Variants in NCOA3 observed in about 807,000 individuals in gnomAD.
NCOA3 encodes the protein nuclear receptor coactivator 3.
Under a neutral mutation model 158.8 loss-of-function variants are expected in NCOA3, and 51 were observed. The ratio of observed to expected loss-of-function variants is 0.32; its 90% CI spans 0.26 to 0.41. The LOEUF is 0.41. Ranked by LOEUF, NCOA3 falls within the 10% of genes least tolerant of loss-of-function variation. The pLI is 1.00. For synonymous variants in NCOA3, 537 were observed against 592.4 expected, an observed-to-expected ratio of 0.91 and a Z score of 1.36; for missense variants, 1,510 against 1,746.6, an observed-to-expected ratio of 0.86 and a Z score of 2.41.
At chr20:47,511,550 T>TATATACACAC (rs1556556371) in intron 1 of NCOA3, among the ~76,000 whole-genome samples, 1 of 52,270 alleles carries the variant, frequency 1.9e-5, no homozygotes, top group Non-Finnish European at 4.0e-5. Flanking sequence ...TATATATATA[T>TATATACACAC]ATATATTTCT....
chr20:47,544,242 GT>G lies in NCOA3; in HGVS notation c.-98-38930del, dbSNP rs79033956. Among the ~76,000 whole-genome samples, 25 of 106,376 alleles carry G rather than the reference GT, an allele frequency of 2.4e-4. No individual in the cohort carries two copies. The East Asian group carries it at 2.4e-3, about 10-fold the overall frequency. 69.8% of individuals were successfully genotyped at this position (106,376 alleles called of 152,430 possible). Reference sequence around the variant, plus strand: ...TTTTTTTGGGGTTTATTTTGTTCAAGTTTTTTTTTTTCAGTTAGGTGTAGGA... The same window carrying G: ...TTTTTTTGGGGTTTATTTTGTTCAAGTTTTTTTTTTCAGTTAGGTGTAGGA... On this transcript the variant is annotated intron_variant, in intron 1 of 22. Coordinates refer to ENST00000371998, the MANE Select transcript of NCOA3 (RefSeq NM_181659.3).
At position 47,524,056 on chromosome 20, in the gene NCOA3, C is replaced by G. The variant is rs73910875; in HGVS notation, c.-99+22037C>G. The stretch of plus-strand genomic sequence containing the variant: ...TAGATGGCTTAAAGGAATGTAGGAA[C>G]CGAATGGTCATTTTCCTGTCAGTGG... On this transcript the variant is annotated intron_variant, in intron 1 of 22. Transcript: ENST00000371998. Among the ~76,000 whole-genome samples, 1,046 of 152,318 alleles carry G rather than the reference C, an allele frequency of 6.9e-3. 14 individuals carry two copies. The highest frequency in any genetic ancestry group is 0.024 in the African/African-American group (1,014 of 41,566).
At chr20:47,505,042 G>GGTTTTT (rs2084009139) in intron 1 of NCOA3, among the ~76,000 whole-genome samples, 2 of 52,084 alleles carry the variant, frequency 3.8e-5, no homozygotes, top group African/African-American at 1.3e-4. Flanking sequence ...GGGCAGGGGC[G>GGTTTTT]TTTTTTTTTT....
At position 47,652,390 on chromosome 20, in the gene NCOA3, G is replaced by A; in HGVS notation, c.3947-16G>A. The A allele has an allele frequency of 1.9e-6, 3 of 1,578,808 alleles. No homozygotes were observed. The highest frequency in any genetic ancestry group is 2.6e-6 in the Non-Finnish European group (3 of 1,152,196). The stretch of plus-strand genomic sequence containing the variant: ...GCATTTGGGCATTTTTATTTCTTCT[G>A]TTTTATTTTTGTAAGGAATGGGACA... On this transcript the variant is annotated splice_polypyrimidine_tract_variant and intron_variant, in intron 20 of 22. Coordinates refer to ENST00000371998, the MANE Select transcript of NCOA3 (RefSeq NM_181659.3).
intron 1 of NCOA3, among the ~76,000 whole-genome samples, chr20:47,581,922 G>T (rs577790572): frequency 9.2e-5 from 14 of 152,084 alleles, no homozygotes; most frequent in Non-Finnish European, 1.8e-4. Flanking sequence ...CTTTCCTCTG[G>T]CCTTTGCTTG....
intron 1 of NCOA3, among the ~76,000 whole-genome samples, chr20:47,533,051 G>A (rs2146110470): frequency 7.2e-6 from 1 of 139,288 alleles, no homozygotes; most frequent in Non-Finnish European, 1.5e-5. Flanking sequence ...GTTGCAGTGA[G>A]CCAGGATTGT....
At chr20:47,591,834 C>G (rs548795290) in intron 2 of NCOA3, among the ~76,000 whole-genome samples, 2 of 150,254 alleles carry the variant, frequency 1.3e-5, no homozygotes, top group Non-Finnish European at 3.0e-5. Flanking sequence ...TTTCTTTTTA[C>G]GTTTGGTTTA....
At chr20:47,653,187 T>G in intron 22 of NCOA3, 115 bp downstream of exon 22, 1 of 1,306,910 alleles carries the variant, frequency 7.7e-7, no homozygotes, top group South Asian at 1.5e-5. Context: ...ATGTATAACT[T>G]AAAATATAGT....
At chr20:47,628,811 T>C (rs1430325389) in intron 8 of NCOA3, 1 of 152,194 alleles carries the variant, frequency 6.6e-6, no homozygotes, top group Non-Finnish European at 1.5e-5. Flanking sequence ...TAAGATGCAT[T>C]AATGAAATTA....
intron 1 of NCOA3, among the ~76,000 whole-genome samples, chr20:47,536,568 T>A (rs1329384021): frequency 6.6e-6 from 1 of 152,254 alleles, no homozygotes; most frequent in Non-Finnish European, 1.5e-5. Context: ...GCAAAACAAA[T>A]TGTTGTCATG....
chr20:47,583,088 C>G (rs2146221701), intron 1 of NCOA3, 95 bp from the exon 2 acceptor site: 1 of 396,678 alleles, frequency 2.5e-6, no homozygotes, highest in South Asian at 1.3e-4. Context: ...GCCACCACGC[C>G]CGGCTGGAAG....
At chr20:47,540,379 G>A (rs1369463934) in intron 1 of NCOA3, among the ~76,000 whole-genome samples, 1 of 152,018 alleles carries the variant, frequency 6.6e-6, no homozygotes, top group East Asian at 1.9e-4. Context: ...TTCGAGACCA[G>A]CCTGGCTAAC....
intron 21 of NCOA3, 113 bp from the exon 22 acceptor site, chr20:47,652,818 C>T: frequency 7.8e-7 from 1 of 1,288,390 alleles, no homozygotes; most frequent in Non-Finnish European, 1.1e-6. Context: ...TTTTCTCTAA[C>T]ATTCCCAGCT....
chr20:47,641,324 CTT>C (rs34173277), intron 16 of NCOA3, among the ~76,000 whole-genome samples: 20 of 96,560 alleles, frequency 2.1e-4, no homozygotes, highest in South Asian at 3.6e-4. Context: ...CTCAACATTT[CTT>C]TTTTTTTTTT....
intron 1 of NCOA3, among the ~76,000 whole-genome samples, chr20:47,560,089 AT>A (rs962189816): frequency 2.3e-4 from 35 of 151,162 alleles, no homozygotes; most frequent in African/African-American, 8.3e-4. Flanking sequence ...CCTGGCCTTA[AT>A]TTTTTTTTGG....
At chr20:47,524,299 A>G (rs2084390977) in intron 1 of NCOA3, among the ~76,000 whole-genome samples, 1 of 152,228 alleles carries the variant, frequency 6.6e-6, no homozygotes, top group African/African-American at 2.4e-5. Flanking sequence ...TGAACTGTAA[A>G]GACTCCTGCA....
intron 12 of NCOA3, among the ~76,000 whole-genome samples, 153 bp downstream of exon 12, chr20:47,636,915 A>G (rs975651165): frequency 1.3e-5 from 2 of 152,240 alleles, no homozygotes; most frequent in Non-Finnish European, 2.9e-5. Flanking sequence ...CAGTAAAATT[A>G]TGATGTAATT....
At chr20:47,600,026 A>G (rs974170961) in intron 2 of NCOA3, among the ~76,000 whole-genome samples, 1 of 151,962 alleles carries the variant, frequency 6.6e-6, no homozygotes, top group Admixed American at 6.6e-5. Flanking sequence ...GTTTAGGACT[A>G]GTTAGTTAAG....
intron 2 of NCOA3, among the ~76,000 whole-genome samples, chr20:47,599,228 T>C (rs1329760536): frequency 6.6e-6 from 1 of 152,194 alleles, no homozygotes; most frequent in East Asian, 1.9e-4. Flanking sequence ...GAAAACACTA[T>C]GCTAAGTAAA....
Sources: gnomAD v4.1 joint callset for allele counts (sites outside exome capture counted in the v4.1 genomes callset) on GRCh38, gnomAD v4.1.1 for gene constraint, MANE v1.5 for transcripts, NCBI Gene and HGNC (gene_info 2026-07-23, HGNC 2026-07-21) for gene names.